The following BDP1 variants were observed in gnomAD, a reference collection of about 807,000 sequenced individuals.
BDP1 encodes transcription factor TFIIIB component B'' homolog.
BDP1 carries 169 observed loss-of-function variants against 266.6 expected under a neutral mutation model. That is an observed-to-expected ratio of 0.63 (90% CI 0.56 to 0.72). The LOEUF (loss-of-function observed/expected upper bound fraction) is 0.72, where lower values mean the gene tolerates loss of function less well. Ranked by LOEUF, BDP1 falls within the 30% of genes least tolerant of loss-of-function variation. The probability of loss-of-function intolerance (pLI) is 0.00; values close to 1 mark genes in which losing one functional copy is unlikely to be tolerated. For missense variants in BDP1, 3,015 were observed against 3,053.8 expected (o/e 0.99, Z 0.30); for synonymous variants, 1,090 against 1,022.4 (o/e 1.07, Z -1.26).
chr5:71,554,384 C>A (rs541693801), intron 35 of BDP1, among the ~76,000 whole-genome samples: 1 of 151,994 alleles, frequency 6.6e-6, no homozygotes, highest in African/African-American at 2.4e-5. Context: ...TCTTTTTTCC[C>A]AGTTTGTCAT....
intron 7 of BDP1, among the ~76,000 whole-genome samples, chr5:71,478,282 A>G (rs1403734731): frequency 1.3e-5 from 2 of 152,116 alleles, no homozygotes; most frequent in Non-Finnish European, 2.9e-5. Context: ...AAACAAAAAA[A>G]CAGCTCTCTC....
chr5:71,501,767 C>G (rs1764251895), intron 14 of BDP1, 114 bp downstream of exon 14: 1 of 678,452 alleles, frequency 1.5e-6, no homozygotes, highest in South Asian at 2.0e-5. Context: ...AAGCAGCATA[C>G]TTTAAGTTCG....
At chr5:71,552,906 A>G (rs1277493087) in intron 34 of BDP1, among the ~76,000 whole-genome samples, 2 of 152,224 alleles carry the variant, frequency 1.3e-5, no homozygotes, top group African/African-American at 4.8e-5. Flanking sequence ...TAAGCCCTGA[A>G]GTATGAATGG....
intron 34 of BDP1, among the ~76,000 whole-genome samples, chr5:71,550,087 G>A (rs1462308972): frequency 6.6e-6 from 1 of 152,202 alleles, no homozygotes; most frequent in African/African-American, 2.4e-5. Context: ...GAACTCCTGG[G>A]CGCAAGAGAT....
chr5:71,515,896 T>C (rs1580121939), intron 20 of BDP1, among the ~76,000 whole-genome samples, 165 bp from the exon 21 acceptor site: 1 of 152,222 alleles, frequency 6.6e-6, no homozygotes, highest in Non-Finnish European at 1.5e-5. Context: ...ATAACTGTTT[T>C]CTTTTGTAAA....
intron 7 of BDP1, among the ~76,000 whole-genome samples, chr5:71,479,067 G>C (rs1762771250): frequency 6.6e-6 from 1 of 151,614 alleles, no homozygotes; most frequent in African/African-American, 2.4e-5. Context: ...TTTTGAGATG[G>C]AGTCTCGCTC....
At chr5:71,573,654 A>G in the BDP1 span, among the ~76,000 whole-genome samples, 7 of 152,222 alleles carry the variant, frequency 4.6e-5, no homozygotes, top group African/African-American at 1.4e-4. Flanking sequence ...TGGAATTTAA[A>G]TTGGCAAGAA....
chr5:71,503,005 C>T (rs1764347657), intron 15 of BDP1, among the ~76,000 whole-genome samples: 1 of 148,436 alleles, frequency 6.7e-6, no homozygotes, highest in African/African-American at 2.5e-5. Flanking sequence ...TCTCCTGCCT[C>T]AGCCACCTGA....
At chr5:71,545,692 A>G (rs1164804358) in intron 32 of BDP1, among the ~76,000 whole-genome samples, 1 of 152,160 alleles carries the variant, frequency 6.6e-6, no homozygotes, top group Non-Finnish European at 1.5e-5. Flanking sequence ...CATGTAACCA[A>G]TACATGAACA....
intron 22 of BDP1, among the ~76,000 whole-genome samples, chr5:71,520,106 T>G (rs762339099): frequency 3.9e-5 from 6 of 152,226 alleles, no homozygotes; most frequent in Non-Finnish European, 8.8e-5. Flanking sequence ...CATTTGTATG[T>G]CTTTTGAGAA....
rs1440730532 is a variant in BDP1 at position 71,458,724 on chromosome 5, A to G, written c.358A>G (p.Thr120Ala). Residue 120 changes from threonine (T) to alanine (A), a missense_variant, in exon 2 of 39, where the codon ACA becomes GCA. By Grantham distance (58) the Thr-to-Ala change is moderately conservative. Coordinates refer to ENST00000358731, the MANE Select transcript of BDP1 (RefSeq NM_018429.3). ...SVPSESHPLSTINQEAPQPTA... is the reference protein window; with the variant it reads ...SVPSESHPLSAINQEAPQPTA... The stretch of plus-strand genomic sequence containing the variant: ...TCCTTCAGAATCTCATCCCTTATCT[A>G]CAATTAATCAAGAGGCTCCACAGCC... 3.1e-6 allele frequency: 5 copies of G among 1,614,074 alleles called. No homozygotes were observed. The highest frequency in any genetic ancestry group is 2.7e-5 in the African/African-American group (2 of 74,942).
At chr5:71,525,295 C>A (rs1293037905) in intron 25 of BDP1, among the ~76,000 whole-genome samples, 1 of 117,954 alleles carries the variant, frequency 8.5e-6, no homozygotes, top group Non-Finnish European at 1.8e-5. Context: ...CCGGACGGGG[C>A]GGCTGGCCGG....
At position 71,522,295 on chromosome 5, in the gene BDP1, A is replaced by G. The variant is rs1765533647; in HGVS notation, c.4998A>G (p.Glu1666=). The change falls in exon 23 of 39, where the codon GAA becomes GAG. Residue 1666 remains glutamate (E), a synonymous_variant. Transcript: ENST00000358731. ...GATTCATACTTCATTCTAGACATGA[A>G]AATAAACCGTATGTTCCTAGTTCAG... The part of the protein sequence containing the change: ...VNKTNETIRH[E]NKPYVPSSAQ... 6.2e-7 allele frequency: 1 copy of G among 1,612,092 alleles called. No individual in the cohort carries two copies. Among genetic ancestry groups the G allele is most frequent in the Non-Finnish European group, 8.5e-7 (1 of 1,179,292 alleles).
chr5:71,554,404 A>T (rs1326085898), intron 35 of BDP1, among the ~76,000 whole-genome samples: 1 of 151,682 alleles, frequency 6.6e-6, no homozygotes, highest in Non-Finnish European at 1.5e-5. Context: ...TTGTCTCTTG[A>T]CTCTGCTTTC....
chr5:71,481,132 C>T (rs571640910), intron 7 of BDP1, among the ~76,000 whole-genome samples: 1 of 151,756 alleles, frequency 6.6e-6, no homozygotes, highest in South Asian at 2.1e-4. Context: ...TGAGATCGCG[C>T]CACTGCGCTC....
intron 38 of BDP1, 61 bp from the exon 39 acceptor site, chr5:71,564,693 C>CAT (rs1168092217): frequency 2.7e-4 from 361 of 1,334,246 alleles, no homozygotes; most frequent in Non-Finnish European, 3.2e-4. Flanking sequence ...TATACACACA[C>CAT]ATATATATAT....
chr5:71,464,942 C>T (rs2150354517), intron 4 of BDP1, among the ~76,000 whole-genome samples: 1 of 152,128 alleles, frequency 6.6e-6, no homozygotes, highest in African/African-American at 2.4e-5. Context: ...TGGTCTCCAT[C>T]TCTTGACCTC....
intron 19 of BDP1, 56 bp downstream of exon 19, chr5:71,513,463 A>G: frequency 9.6e-7 from 1 of 1,037,626 alleles, no homozygotes; most frequent in Admixed American, 2.4e-5. Flanking sequence ...TTTTTAAGTT[A>G]TTAGGACTAC....
At chr5:71,492,912 T>C (rs1763676948) in intron 11 of BDP1, among the ~76,000 whole-genome samples, 1 of 152,234 alleles carries the variant, frequency 6.6e-6, no homozygotes, top group Non-Finnish European at 1.5e-5. Flanking sequence ...AAAGCTATTT[T>C]ATCACTGGAA....
Sources: gnomAD v4.1 joint callset for allele counts (sites outside exome capture counted in the v4.1 genomes callset) on GRCh38, gnomAD v4.1.1 for gene constraint, MANE v1.5 for transcripts, NCBI Gene and HGNC (gene_info 2026-07-23, HGNC 2026-07-21) for gene names.